The following CSMD3 variants were observed in gnomAD, a reference collection of about 807,000 sequenced individuals.
CSMD3 encodes the protein CUB and sushi domain-containing protein 3.
A neutral mutation model predicts 435.2 loss-of-function variants in CSMD3; 177 were observed. That is an observed-to-expected ratio of 0.41 (90% confidence interval 0.36 to 0.46). The LOEUF (loss-of-function observed/expected upper bound fraction) is 0.46, where lower values mean the gene tolerates loss of function less well. CSMD3 is among the 20% of genes least tolerant of loss of function. The pLI, the probability that CSMD3 is intolerant of heterozygous loss-of-function variation, is 0.34. For missense variants in CSMD3, 4,265 were observed against 4,504.6 expected (o/e 0.95, Z 1.52); for synonymous variants, 1,656 against 1,520.5 (o/e 1.09, Z -2.07).
At chr8:113,167,671 G>T (rs78701450) in intron 4 of CSMD3, among the ~76,000 whole-genome samples, 4,783 of 152,312 alleles carry the variant, frequency 0.031, 97 homozygotes, top group Non-Finnish European at 0.052. Context: ...AGTGACCTGT[G>T]ACACTTGTGA....
At chr8:113,099,493 T>C (rs1205102180) in intron 4 of CSMD3, among the ~76,000 whole-genome samples, 1 of 152,072 alleles carries the variant, frequency 6.6e-6, no homozygotes, top group East Asian at 1.9e-4. Context: ...CAAATAAAAA[T>C]ATATCACATA....
chr8:112,487,588 A>G (rs188910863), intron 31 of CSMD3, among the ~76,000 whole-genome samples: 2 of 152,304 alleles, frequency 1.3e-5, no homozygotes, highest in East Asian at 1.9e-4. Context: ...ATATGATATA[A>G]TCTGAATTAT....
chr8:112,730,555 T>C (rs1287392994), intron 13 of CSMD3, among the ~76,000 whole-genome samples: 1 of 152,106 alleles, frequency 6.6e-6, no homozygotes, highest in Non-Finnish European at 1.5e-5. Flanking sequence ...ACTTCATTTG[T>C]TTGGGCTTAA....
At chr8:113,051,218 AAGGCT>A (rs1188538360) in intron 5 of CSMD3, among the ~76,000 whole-genome samples, 1 of 152,122 alleles carries the variant, frequency 6.6e-6, no homozygotes, top group Non-Finnish European at 1.5e-5. Context: ...ATTAGCCTGG[AAGGCT>A]ATTCTAAGAG....
At chr8:112,682,813 G>A (rs2075931102) in intron 15 of CSMD3, among the ~76,000 whole-genome samples, 177 bp from the exon 16 acceptor site, 1 of 152,002 alleles carries the variant, frequency 6.6e-6, no homozygotes, top group Admixed American at 6.6e-5. Context: ...GACCTTACCT[G>A]TTTGCCTGTG....
intron 13 of CSMD3, among the ~76,000 whole-genome samples, chr8:112,742,722 G>T (rs1187519296): frequency 6.6e-6 from 1 of 151,830 alleles, no homozygotes; most frequent in Non-Finnish European, 1.5e-5. Flanking sequence ...AGCTGTACCT[G>T]ATCATAAAGG....
chr8:112,961,833 T>TA (rs967273748), intron 7 of CSMD3, among the ~76,000 whole-genome samples: 4 of 151,980 alleles, frequency 2.6e-5, no homozygotes, highest in African/African-American at 4.8e-5. Context: ...CCATAGCACT[T>TA]ACGCAGATAA....
At chr8:112,910,039 C>A (rs185373285) in intron 10 of CSMD3, among the ~76,000 whole-genome samples, 110 of 151,800 alleles carry the variant, frequency 7.2e-4, no homozygotes, top group African/African-American at 2.6e-3. Context: ...GGGAGAGACT[C>A]CCTAAGAAAA....
At chr8:112,499,728 A>C (rs1000085705) in intron 30 of CSMD3, among the ~76,000 whole-genome samples, 15 of 152,234 alleles carry the variant, frequency 9.9e-5, no homozygotes, top group African/African-American at 3.1e-4. Flanking sequence ...ATTTAGAATA[A>C]AATTATGATA....
At chr8:112,370,089 A>AGAAGAG (rs1828239359) in intron 38 of CSMD3, among the ~76,000 whole-genome samples, 1 of 123,786 alleles carries the variant, frequency 8.1e-6, no homozygotes, top group Admixed American at 9.0e-5. Context: ...AAGAAGTAGT[A>AGAAGAG]GTAGTAGTAG....
At chr8:112,668,789 G>A (rs2075586846) in intron 16 of CSMD3, among the ~76,000 whole-genome samples, 1 of 151,696 alleles carries the variant, frequency 6.6e-6, no homozygotes, top group African/African-American at 2.4e-5. Context: ...ATGCTTATAT[G>A]GGTCGGTCAG....
intron 2 of CSMD3, among the ~76,000 whole-genome samples, chr8:113,299,410 TG>T (rs1459025850): frequency 3.3e-5 from 5 of 152,088 alleles, no homozygotes; most frequent in African/African-American, 4.8e-5. Flanking sequence ...AAGTAGTCAA[TG>T]GGGGTTGAGG....
chr8:112,514,909 G>A (rs1207336542), intron 28 of CSMD3, among the ~76,000 whole-genome samples: 1 of 151,526 alleles, frequency 6.6e-6, no homozygotes, highest in Non-Finnish European at 1.5e-5. Flanking sequence ...TTTTTTTAAG[G>A]TTATTTTCTT....
intron 6 of CSMD3, among the ~76,000 whole-genome samples, chr8:112,979,138 TTTG>T (rs993764865): frequency 3.3e-5 from 5 of 151,876 alleles, no homozygotes; most frequent in East Asian, 1.9e-4. Context: ...CTTCAAAATT[TTTG>T]TTGTTATTTC....
intron 6 of CSMD3, among the ~76,000 whole-genome samples, chr8:112,993,131 G>A (rs762887184): frequency 6.6e-6 from 1 of 151,588 alleles, no homozygotes; most frequent in African/African-American, 2.4e-5. Context: ...TGAGTACTGC[G>A]ATTTAAAAAA....
intron 1 of CSMD3, among the ~76,000 whole-genome samples, chr8:113,316,862 C>T (rs1019107823): frequency 6.6e-6 from 1 of 152,142 alleles, no homozygotes; most frequent in Admixed American, 6.5e-5. Context: ...CAGCTACATA[C>T]TTTGGAGCAG....
At chr8:112,488,194 T>C (rs1401372750) in intron 31 of CSMD3, among the ~76,000 whole-genome samples, 2 of 152,302 alleles carry the variant, frequency 1.3e-5, no homozygotes, top group East Asian at 1.9e-4. Flanking sequence ...ATTTAACATA[T>C]ACACTTAATC....
At chr8:112,938,552 A>G (rs2083354896) in intron 9 of CSMD3, among the ~76,000 whole-genome samples, 1 of 152,194 alleles carries the variant, frequency 6.6e-6, no homozygotes, top group East Asian at 1.9e-4. Flanking sequence ...CAAGAGTAGC[A>G]TGTGCAATAT....
chr8:112,226,338 A>T (rs2129790561), intron 70 of CSMD3, among the ~76,000 whole-genome samples: 1 of 152,246 alleles, frequency 6.6e-6, no homozygotes, highest in African/African-American at 2.4e-5. Context: ...AATCATGAAG[A>T]TACAAAATAA....
Sources: allele counts gnomAD v4.1 joint callset (sites outside exome capture counted in the v4.1 genomes callset), GRCh38; gene constraint gnomAD v4.1.1; transcripts MANE v1.5; gene names NCBI Gene and HGNC (gene_info 2026-07-23, HGNC 2026-07-21).